Variants in DACH1 observed in about 807,000 individuals in gnomAD.
DACH1 encodes dachshund family transcription factor 1.
DACH1 carries 12 observed loss-of-function variants against 54.2 expected under a neutral mutation model. The observed-to-expected ratio is 0.22, with a 90% confidence interval of 0.14 to 0.36. The LOEUF (loss-of-function observed/expected upper bound fraction) is 0.36. Among genes scored for constraint, DACH1 ranks in the 10% least tolerant of loss-of-function variants. The probability of loss-of-function intolerance (pLI) is 1.00; values close to 1 mark genes in which losing one functional copy is unlikely to be tolerated. For missense variants in DACH1, 805 were observed against 929.8 expected, an observed-to-expected ratio of 0.87 and a Z score of 1.75; for synonymous variants, 386 against 366.2, an observed-to-expected ratio of 1.05 and a Z score of -0.62.
intron 4 of DACH1, among the ~76,000 whole-genome samples, chr13:71,563,356 G>A (rs947291782): frequency 1.3e-5 from 2 of 151,890 alleles, no homozygotes; most frequent in Non-Finnish European, 2.9e-5. Flanking sequence ...GATTTTGCAA[G>A]TCTGATTTTC....
intron 10 of DACH1, among the ~76,000 whole-genome samples, chr13:71,463,868 CT>C: frequency 6.6e-6 from 1 of 151,876 alleles, no homozygotes; most frequent in East Asian, 1.9e-4. Context: ...TGAACGTATA[CT>C]ATTTGGCACT....
chr13:71,621,892 T>C (rs904561139), intron 3 of DACH1, among the ~76,000 whole-genome samples: 1 of 152,050 alleles, frequency 6.6e-6, no homozygotes, highest in African/African-American at 2.4e-5. Context: ...CTAATCATTA[T>C]CAAACTGGTA....
chr13:71,670,956 T>G (rs1293863674), intron 2 of DACH1, among the ~76,000 whole-genome samples: 1 of 152,062 alleles, frequency 6.6e-6, no homozygotes, highest in African/African-American at 2.4e-5. Flanking sequence ...TCCTATGAAT[T>G]TTGGCGATTG....
chr13:71,605,014 T>C (rs948186529), intron 3 of DACH1, among the ~76,000 whole-genome samples: 1 of 151,978 alleles, frequency 6.6e-6, no homozygotes, highest in Non-Finnish European at 1.5e-5. Flanking sequence ...GCAATATTTA[T>C]GCAAAATGGC....
intron 10 of DACH1, among the ~76,000 whole-genome samples, chr13:71,449,979 T>C (rs1200631036): frequency 6.7e-6 from 1 of 149,966 alleles, no homozygotes; most frequent in African/African-American, 2.5e-5. Flanking sequence ...AAATGACGAG[T>C]TACTGGGTTC....
chr13:71,469,031 T>G (rs977500002), intron 10 of DACH1, among the ~76,000 whole-genome samples: 2 of 152,180 alleles, frequency 1.3e-5, no homozygotes, highest in African/African-American at 2.4e-5. Context: ...GGAGTGGTTA[T>G]CTTATAAAAG....
rs116223141 is a variant in DACH1, at chr13:71,708,687, C to G, written c.849-26777G>C. On this transcript the variant is annotated intron_variant, in intron 1 of 10. Transcript: ENST00000613252. Reference sequence around the variant, plus strand: ...AAGATTTAAATAGCCTACAGTGATTCTTGTAATATGGTTTGCAAAACATTC... The same window carrying G: ...AAGATTTAAATAGCCTACAGTGATTGTTGTAATATGGTTTGCAAAACATTC... 5.0e-3 allele frequency among the ~76,000 whole-genome samples: 759 copies of G among 151,982 alleles called. 7 individuals are homozygous for G. The highest frequency in any genetic ancestry group is 0.017 in the African/African-American group (705 of 41,484).
chr13:71,512,439 G>A (rs2138260649), intron 6 of DACH1, among the ~76,000 whole-genome samples: 2 of 151,936 alleles, frequency 1.3e-5, no homozygotes, highest in South Asian at 4.1e-4. Context: ...AGAGATAACA[G>A]GAAAACACAA....
intron 2 of DACH1, among the ~76,000 whole-genome samples, chr13:71,666,841 G>T (rs931763310): frequency 6.6e-6 from 1 of 152,076 alleles, no homozygotes; most frequent in Non-Finnish European, 1.5e-5. Flanking sequence ...AATCGGCTGG[G>T]TGTGGTGGTG....
intron 1 of DACH1, among the ~76,000 whole-genome samples, chr13:71,786,343 C>T (rs1046999809): frequency 5.3e-5 from 8 of 152,066 alleles, no homozygotes; most frequent in East Asian, 1.9e-4. Context: ...GCTCTTAATG[C>T]CTTGCATCCC....
chr13:71,446,643 A>C (rs1289759914), intron 10 of DACH1, among the ~76,000 whole-genome samples: 1 of 152,138 alleles, frequency 6.6e-6, no homozygotes, highest in African/African-American at 2.4e-5. Flanking sequence ...TCCTCTAATA[A>C]GCAACTGGAC....
chr13:71,762,171 T>C (rs1885425937), intron 1 of DACH1, among the ~76,000 whole-genome samples: 1 of 152,138 alleles, frequency 6.6e-6, no homozygotes, highest in Non-Finnish European at 1.5e-5. Context: ...AAGTATTGTA[T>C]ACAAATGCAC....
At chr13:71,848,361 C>A (rs560296371) in intron 1 of DACH1, among the ~76,000 whole-genome samples, 2 of 152,138 alleles carry the variant, frequency 1.3e-5, no homozygotes, top group South Asian at 4.1e-4. Flanking sequence ...TATATAAGGA[C>A]TTTGTAATTT....
In DACH1 at chr13:71,694,210, A is replaced by G. The variant is rs549629670; in HGVS notation, c.849-12300T>C. On this transcript the variant is annotated intron_variant, in intron 1 of 10. Transcript: ENST00000613252. The stretch of plus-strand genomic sequence containing the variant: ...GAAACCTGTAAACACACACACACAC[A>G]CACAAGCACACACACATCCGCCATT... Among the ~76,000 whole-genome samples the G allele has an allele frequency of 5.9e-5, 9 of 152,202 alleles. No homozygotes were observed. In the South Asian group the frequency reaches 1.2e-3, roughly 21 times the overall value.
chr13:71,629,037 C>T (rs761887330), intron 3 of DACH1, among the ~76,000 whole-genome samples: 1 of 152,042 alleles, frequency 6.6e-6, no homozygotes, highest in Non-Finnish European at 1.5e-5. Context: ...GTATAAGTGG[C>T]TAATTACTTG....
intron 2 of DACH1, among the ~76,000 whole-genome samples, chr13:71,670,936 C>T (rs1880170618): frequency 6.6e-6 from 1 of 151,916 alleles, no homozygotes; most frequent in Admixed American, 6.6e-5. Flanking sequence ...AAACCATGTG[C>T]CTGAAAGATT....
chr13:71,670,469 C>A (rs1226033840), intron 2 of DACH1, among the ~76,000 whole-genome samples: 1 of 151,954 alleles, frequency 6.6e-6, no homozygotes, highest in East Asian at 1.9e-4. Context: ...ATTTTATATC[C>A]CTAAAACTTA....
intron 1 of DACH1, among the ~76,000 whole-genome samples, chr13:71,759,462 A>T (rs1885309417): frequency 1.3e-5 from 2 of 152,222 alleles, no homozygotes; most frequent in Non-Finnish European, 1.5e-5. Flanking sequence ...TTTGGAAAGC[A>T]AATATTTTTA....
At chr13:71,622,715 T>C (rs1017864115) in intron 3 of DACH1, among the ~76,000 whole-genome samples, 1 of 151,858 alleles carries the variant, frequency 6.6e-6, no homozygotes, top group South Asian at 2.1e-4. Flanking sequence ...ACATATTCAT[T>C]AGGATATATC....
Sources: allele counts gnomAD v4.1 joint callset (sites outside exome capture counted in the v4.1 genomes callset), GRCh38; gene constraint gnomAD v4.1.1; transcripts MANE v1.5; gene names NCBI Gene and HGNC (gene_info 2026-07-23, HGNC 2026-07-21).